Variants in MET observed in about 807,000 individuals in gnomAD.
MET encodes the protein hepatocyte growth factor receptor.
MET carries 48 observed loss-of-function variants against 133.1 expected under a neutral mutation model. That is an observed-to-expected ratio of 0.36 (90% CI 0.29 to 0.46). The LOEUF is 0.46. Among genes scored for constraint, MET ranks in the 20% least tolerant of loss-of-function variants. The pLI is 1.00. For synonymous variants in MET, 628 were observed against 616.5 expected, an observed-to-expected ratio of 1.02 and a Z score of -0.28; for missense variants, 1,442 against 1,695.9, an observed-to-expected ratio of 0.85 and a Z score of 2.63.
chr7:116,703,515 G>A (rs1467122527), intron 2 of MET, among the ~76,000 whole-genome samples: 4 of 152,048 alleles, frequency 2.6e-5, no homozygotes, highest in Non-Finnish European at 5.9e-5. Context: ...CCATAATATG[G>A]ATGGAACCTT....
intron 1 of MET, among the ~76,000 whole-genome samples, chr7:116,686,335 C>G (rs1796556109): frequency 6.6e-6 from 1 of 152,122 alleles, no homozygotes; most frequent in Non-Finnish European, 1.5e-5. Flanking sequence ...GCCCAGAAAT[C>G]TCTTTTCCCA....
chr7:116,754,943 G>GAAAGAA (rs759960697), intron 5 of MET, among the ~76,000 whole-genome samples: 1 of 134,948 alleles, frequency 7.4e-6, no homozygotes, highest in East Asian at 2.2e-4. Flanking sequence ...AAGAAAGAAA[G>GAAAGAA]AAAGAAAGAG....
At chr7:116,685,464 C>T (rs547006241) in intron 1 of MET, among the ~76,000 whole-genome samples, 46 of 151,864 alleles carry the variant, frequency 3.0e-4, no homozygotes, top group Admixed American at 1.0e-3. Context: ...GATAGTGAGG[C>T]GGGTGGTGGT....
Position 116,747,334 on chromosome 7 carries a change from A to G in MET, c.1701+6309A>G, listed in dbSNP as rs561202682. On this transcript the variant is annotated intron_variant, in intron 5 of 20. Transcript: ENST00000397752. ...CCAATTAAAAGACACAGACTGGCAA[A>G]TTGGATAAAGAGTCAAGACCCATTG... 5.8e-4 allele frequency among the ~76,000 whole-genome samples: 88 copies of G among 152,274 alleles called. 1 individual carries two copies. Among genetic ancestry groups the G allele is most frequent in the African/African-American group, 2.0e-3 (83 of 41,570 alleles).
Position 116,778,814 on chromosome 7 carries a change from G to A in MET, c.3379G>A (p.Glu1127Lys), listed in dbSNP as rs1158021755. The A allele has an allele frequency of 6.2e-7, 1 of 1,614,016 alleles. No homozygotes were observed. The highest frequency in any genetic ancestry group is 8.5e-7 in the Non-Finnish European group (1 of 1,179,958). Reference protein sequence around the residue: ...DIGEVSQFLTEGIIMKDFSHP... With the variant: ...DIGEVSQFLTKGIIMKDFSHP... ...AGGAGAAGTTTCCCAATTTCTGACC[G>A]AGGGAATCATCATGAAAGATTTTAG... Residue 1127 changes from glutamate (E) to lysine (K), a missense_variant, in exon 17 of 21, where the codon GAG (glutamate) becomes AAG (lysine). By Grantham distance (56) the Glu-to-Lys change is moderately conservative (BLOSUM62 1). This residue lies in a region of MET where 514 missense variants were observed against 659.6 expected (regional missense o/e 0.78). Transcript: ENST00000397752.
At chr7:116,738,604 CAAACATT>C (rs1793324092) in intron 3 of MET, among the ~76,000 whole-genome samples, 1 of 151,882 alleles carries the variant, frequency 6.6e-6, no homozygotes, top group South Asian at 2.1e-4. Context: ...TAGAGTAGAA[CAAACATT>C]AGAGCACAAA....
At chr7:116,733,427 C>T (rs991631759) in intron 3 of MET, among the ~76,000 whole-genome samples, 6 of 151,546 alleles carry the variant, frequency 4.0e-5, no homozygotes, top group East Asian at 3.9e-4. Flanking sequence ...ACTTTAGCTC[C>T]GACTTTTTTT....
chr7:116,685,816 A>G (rs1796531135), intron 1 of MET, among the ~76,000 whole-genome samples: 1 of 152,186 alleles, frequency 6.6e-6, no homozygotes. Flanking sequence ...CTCTGTTAAA[A>G]AAGTCAAAAT....
intron 5 of MET, among the ~76,000 whole-genome samples, chr7:116,754,947 GAAA>G (rs1794093214): frequency 7.5e-6 from 1 of 133,116 alleles, no homozygotes; most frequent in African/African-American, 2.8e-5. Context: ...AAGAAAGAAA[GAAA>G]GAGAAAGAAA....
At chr7:116,701,002 G>C (rs1791557379) in intron 2 of MET, among the ~76,000 whole-genome samples, 1 of 152,094 alleles carries the variant, frequency 6.6e-6, no homozygotes, top group African/African-American at 2.4e-5. Flanking sequence ...ACTTTACCTG[G>C]TTGGTATTTG....
intron 2 of MET, among the ~76,000 whole-genome samples, chr7:116,717,314 A>G (rs1476454): frequency 0.26 from 39,374 of 152,086 alleles, 5,534 homozygotes; most frequent in African/African-American, 0.37. Flanking sequence ...ATATGTCTAT[A>G]AGAAACAGCG....
intron 5 of MET, among the ~76,000 whole-genome samples, chr7:116,748,116 C>T (rs768095750): frequency 1.3e-4 from 20 of 152,092 alleles, no homozygotes; most frequent in East Asian, 1.9e-4. Context: ...TGGTGGCGGG[C>T]GCCTGTAGTC....
At chr7:116,776,354 T>C (rs1346372147) in intron 15 of MET, among the ~76,000 whole-genome samples, 4 of 152,240 alleles carry the variant, frequency 2.6e-5, no homozygotes, top group Non-Finnish European at 4.4e-5. Context: ...CAGAGTAATA[T>C]ATAGTTCTGT....
At chr7:116,674,054 G>A (rs1200192033) in intron 1 of MET, among the ~76,000 whole-genome samples, 1 of 152,138 alleles carries the variant, frequency 6.6e-6, no homozygotes, top group East Asian at 1.9e-4. Flanking sequence ...CAAACTTAAT[G>A]GTGTATAAGC....
At position 116,699,097 on chromosome 7, in the gene MET, G is replaced by T. The variant is rs765444467; in HGVS notation, c.13G>T (p.Ala5Ser). The change falls in exon 2 of 21, where the codon GCT becomes TCT. Residue 5 changes from alanine to serine, a missense_variant. Ala to Ser is a moderately conservative substitution (Grantham distance 99). Transcript: ENST00000397752. ...TAAACCTCTCATAATGAAGGCCCCC[G>T]CTGTGCTTGCACCTGGCATCCTCGT... MKAP[A>S]VLAPGILVLL... 6.2e-7 allele frequency: 1 copy of T among 1,613,776 alleles called. No homozygotes were observed. Among genetic ancestry groups the T allele is most frequent in the South Asian group, 1.1e-5 (1 of 91,072 alleles).
At chr7:116,790,569 C>A (rs1277209638) in intron 19 of MET, among the ~76,000 whole-genome samples, 1 of 152,092 alleles carries the variant, frequency 6.6e-6, no homozygotes, top group East Asian at 1.9e-4. Flanking sequence ...GCCGCAGTGG[C>A]CATGGATGTA....
chr7:116,699,186 G>C lies in MET; in HGVS notation c.102G>C (p.Glu34Asp), dbSNP rs1296330997. 3 of 1,613,814 alleles carry C rather than the reference G, an allele frequency of 1.9e-6. No homozygotes were observed. In the African/African-American group the frequency reaches 4.0e-5, roughly 22 times the overall value. The change falls in exon 2 of 21, where the codon GAG (glutamate) becomes GAC (aspartate). Residue 34 changes from glutamate (E) to aspartate (D), a missense_variant. Transcript: ENST00000397752. ...GTAAAGAGGCACTAGCAAAGTCCGA[G>C]ATGAATGTGAATATGAAGTATCAGC... ...GECKEALAKS[E>D]MNVNMKYQLP...
chr7:116,760,713 A>G (rs1422933094), intron 10 of MET, among the ~76,000 whole-genome samples: 8 of 152,206 alleles, frequency 5.3e-5, no homozygotes, highest in African/African-American at 1.4e-4. Context: ...ACCAAATAAT[A>G]AGGTCATTTC....
intron 1 of MET, among the ~76,000 whole-genome samples, chr7:116,698,408 T>G (rs1409945534): frequency 3.3e-5 from 5 of 152,216 alleles, no homozygotes; most frequent in Non-Finnish European, 5.9e-5. Flanking sequence ...AGCCTCCTGT[T>G]TTTCAGTTCC....
Sources: gnomAD v4.1 joint callset for allele counts (sites outside exome capture counted in the v4.1 genomes callset) on GRCh38, gnomAD v4.1.1 for gene constraint, gnomAD v4.1.1 regional missense constraint, MANE v1.5 for transcripts, NCBI Gene and HGNC (gene_info 2026-07-23, HGNC 2026-07-21) for gene names.